The following CREB5 variants were observed in gnomAD, a reference collection of about 807,000 sequenced individuals.
CREB5 encodes cAMP responsive element binding protein 5, also known as cyclic AMP-responsive element-binding protein 5.
In CREB5, 19 loss-of-function variants were observed where a neutral mutation model predicts 57.1. That is an observed-to-expected ratio of 0.33 (90% CI 0.23 to 0.49). The LOEUF (loss-of-function observed/expected upper bound fraction) is 0.49. CREB5 is among the 20% of genes least tolerant of loss of function. CREB5 has a pLI of 0.99. For missense variants in CREB5, 579 were observed against 671.6 expected (o/e 0.86, Z 1.52); for synonymous variants, 238 against 238.3 (o/e 1.00, Z 0.01).
intron 5 of CREB5, among the ~76,000 whole-genome samples, chr7:28,581,439 C>A (rs1206220600): frequency 6.6e-6 from 1 of 152,202 alleles, no homozygotes; most frequent in Non-Finnish European, 1.5e-5. Flanking sequence ...AGACATTCTT[C>A]CAGACGTTAT....
At chr7:28,694,600 G>A (rs1801444223) in intron 5 of CREB5, among the ~76,000 whole-genome samples, 1 of 152,116 alleles carries the variant, frequency 6.6e-6, no homozygotes, top group African/African-American at 2.4e-5. Flanking sequence ...TTGTCACCCA[G>A]TGACACAATC....
In CREB5 at chr7:28,756,917, ATGAT is replaced by A. The variant is rs564564308; in HGVS notation, c.702+32592_702+32595del. ...TAAATTGCTGGTTACAATTTGTTGG[ATGAT>A]TGATTGGTTCAGGCGCTCACATTTC... On this transcript the variant is annotated intron_variant, in intron 7 of 10. Transcript: ENST00000357727. Among the ~76,000 whole-genome samples, 37 of 152,296 alleles carry A rather than the reference ATGAT, an allele frequency of 2.4e-4. No individual in the cohort carries two copies. The South Asian group carries it at 7.0e-3, about 29-fold the overall frequency.
chr7:28,678,000 T>C (rs1800396967), intron 5 of CREB5, among the ~76,000 whole-genome samples: 1 of 152,220 alleles, frequency 6.6e-6, no homozygotes, highest in South Asian at 2.1e-4. Context: ...AGGAAGAATT[T>C]TCAACTTTGT....
chr7:28,514,794 G>A (rs1469754432), intron 4 of CREB5, among the ~76,000 whole-genome samples: 1 of 152,222 alleles, frequency 6.6e-6, no homozygotes, highest in Non-Finnish European at 1.5e-5. Flanking sequence ...AAGGTTTTCA[G>A]AGGCTGGAGT....
intron 2 of CREB5, among the ~76,000 whole-genome samples, chr7:28,491,748 T>A (rs2391668): frequency 0.011 from 1,712 of 152,172 alleles, 22 homozygotes; most frequent in African/African-American, 0.038. Context: ...GTCTCCTGGG[T>A]TATTAGAAAC....
intron 5 of CREB5, among the ~76,000 whole-genome samples, chr7:28,712,547 T>TATTATTATTATTATTATTATTATTATTA (rs1190814066): frequency 4.7e-5 from 7 of 150,166 alleles, no homozygotes; most frequent in African/African-American, 1.2e-4. Context: ...TTATTATTAT[T>TATTATTATTATTATTATTATTATTATTA]TTCTGAGATG....
chr7:28,412,959 C>G lies in CREB5; in HGVS notation c.3+42C>G, dbSNP rs754663969. On this transcript the variant is annotated intron_variant, in intron 1 of 10. Transcript: ENST00000357727. ...TTATGCATATTAAACAGAGAGAAAA[C>G]TTTGCACTTAGTTAAATAGAACCAA... 8 of 1,388,522 alleles carry G rather than the reference C, an allele frequency of 5.8e-6. No individual in the cohort carries two copies. The South Asian group carries it at 1.6e-4, about 28-fold the overall frequency. 86.0% of individuals were successfully genotyped at this position (1,388,522 alleles called of 1,614,324 possible).
At chr7:28,597,436 C>T (rs1364273926) in intron 5 of CREB5, among the ~76,000 whole-genome samples, 1 of 152,186 alleles carries the variant, frequency 6.6e-6, no homozygotes, top group Non-Finnish European at 1.5e-5. Flanking sequence ...ATTTCCAGTG[C>T]ACTCTCCACC....
chr7:28,379,393 T>C (rs1479804243), intron 1 of CREB5, among the ~76,000 whole-genome samples: 22 of 152,246 alleles, frequency 1.4e-4, no homozygotes, highest in Admixed American at 1.4e-3. Context: ...TGTTTTAAGG[T>C]TCTGAGAGCT....
At chr7:28,707,676 C>A (rs1802186048) in intron 5 of CREB5, among the ~76,000 whole-genome samples, 1 of 152,098 alleles carries the variant, frequency 6.6e-6, no homozygotes, top group African/African-American at 2.4e-5. Context: ...TTTAAGAGCC[C>A]AAGAAGAGGA....
intron 5 of CREB5, among the ~76,000 whole-genome samples, chr7:28,623,389 A>G (rs1797877713): frequency 6.6e-6 from 1 of 152,230 alleles, no homozygotes; most frequent in Admixed American, 6.5e-5. Flanking sequence ...AGTCATCATA[A>G]AAAAGAGTCT....
chr7:28,475,209 T>G (rs1364476595), intron 1 of CREB5, among the ~76,000 whole-genome samples: 1 of 151,216 alleles, frequency 6.6e-6, no homozygotes, highest in Non-Finnish European at 1.5e-5. Flanking sequence ...ACTTCCTTTT[T>G]TTCACAGCTA....
chr7:28,371,977 A>C (rs1327961801), intron 1 of CREB5, among the ~76,000 whole-genome samples: 1 of 152,148 alleles, frequency 6.6e-6, no homozygotes, highest in Non-Finnish European at 1.5e-5. Flanking sequence ...TCAGTTATTC[A>C]AAGGACCTAC....
At chr7:28,771,963 A>G (rs1806349520) in intron 7 of CREB5, among the ~76,000 whole-genome samples, 1 of 152,120 alleles carries the variant, frequency 6.6e-6, no homozygotes, top group African/African-American at 2.4e-5. Context: ...CTTGGCAATA[A>G]ATTTCCCATG....
intron 4 of CREB5, among the ~76,000 whole-genome samples, chr7:28,539,259 A>G (rs1350936220): frequency 3.9e-5 from 6 of 152,198 alleles, no homozygotes; most frequent in Non-Finnish European, 8.8e-5. Flanking sequence ...GTTAGCTGTT[A>G]TTACTTAGTT....
At chr7:28,485,212 G>T (rs142124924) in intron 1 of CREB5, among the ~76,000 whole-genome samples, 1 of 152,194 alleles carries the variant, frequency 6.6e-6, no homozygotes, top group East Asian at 1.9e-4. Flanking sequence ...TAAACTTTCA[G>T]CAGTAGCACT....
chr7:28,312,854 G>A (rs74336222), intron 1 of CREB5, among the ~76,000 whole-genome samples: 355 of 152,250 alleles, frequency 2.3e-3, no homozygotes, highest in African/African-American at 8.1e-3. Flanking sequence ...GTTGCCAGTG[G>A]TCAAGCCTGA....
chr7:28,666,541 A>AAT (rs1305941135), intron 5 of CREB5, among the ~76,000 whole-genome samples: 1 of 134,008 alleles, frequency 7.5e-6, no homozygotes, highest in Non-Finnish European at 1.6e-5. Flanking sequence ...TTACTTTTAA[A>AAT]ATATATATAT....
intron 5 of CREB5, among the ~76,000 whole-genome samples, chr7:28,662,888 T>G (rs1799665323): frequency 6.6e-6 from 1 of 152,094 alleles, no homozygotes; most frequent in East Asian, 1.9e-4. Context: ...GGCTCACACC[T>G]GTAATCCCAG....
Sources: gnomAD v4.1 joint callset for allele counts (sites outside exome capture counted in the v4.1 genomes callset) on GRCh38, gnomAD v4.1.1 for gene constraint, MANE v1.5 for transcripts, NCBI Gene and HGNC (gene_info 2026-07-23, HGNC 2026-07-21) for gene names.